The following KLHL1 variants were observed in gnomAD, a reference collection of about 807,000 sequenced individuals.
KLHL1 encodes kelch-like protein 1.
KLHL1 carries 47 observed loss-of-function variants against 77.7 expected under a neutral mutation model. The observed-to-expected ratio is 0.60, with a 90% confidence interval of 0.48 to 0.77. The LOEUF is 0.77. Among genes scored for constraint, KLHL1 ranks in the 30% least tolerant of loss-of-function variants. The pLI, the probability that KLHL1 is intolerant of heterozygous loss-of-function variation, is 0.00. For synonymous variants in KLHL1, 360 were observed against 325.2 expected, an observed-to-expected ratio of 1.11 and a Z score of -1.15; for missense variants, 925 against 910.8, an observed-to-expected ratio of 1.02 and a Z score of -0.20.
chr13:69,725,815 T>C (rs751809714), intron 8 of KLHL1, among the ~76,000 whole-genome samples: 1 of 152,156 alleles, frequency 6.6e-6, no homozygotes, highest in African/African-American at 2.4e-5. Flanking sequence ...ATAAGAGTAA[T>C]CTGACAGCAG....
intron 6 of KLHL1, among the ~76,000 whole-genome samples, chr13:69,828,598 G>A (rs187628216): frequency 6.7e-6 from 1 of 150,114 alleles, no homozygotes; most frequent in African/African-American, 2.5e-5. Flanking sequence ...TAAAGCAAGT[G>A]GGGAGGGGTG....
rs570685497 is a variant in KLHL1, at chr13:69,765,290, A to G, written c.1640-24734T>C. On this transcript the variant is annotated intron_variant, in intron 7 of 10. Transcript: ENST00000377844. ...TTTATAGTGATGGTAATCTTAGTTC[A>G]TTAATACATTTATATACTTTATGAA... Among the ~76,000 whole-genome samples the G allele has an allele frequency of 5.3e-5, 8 of 152,088 alleles. No homozygotes were observed. In the South Asian group the frequency reaches 1.7e-3, roughly 32 times the overall value.
chr13:69,782,162 G>A (rs1441821075), intron 7 of KLHL1, among the ~76,000 whole-genome samples: 3 of 152,180 alleles, frequency 2.0e-5, no homozygotes, highest in Non-Finnish European at 2.9e-5. Context: ...TGGTTTTAAA[G>A]AAAATATAGT....
intron 7 of KLHL1, among the ~76,000 whole-genome samples, chr13:69,769,023 T>C (rs559094214): frequency 5.3e-5 from 8 of 152,344 alleles, no homozygotes; most frequent in African/African-American, 1.7e-4. Flanking sequence ...CTAAGTCTCA[T>C]TCTAGAAGCT....
chr13:70,013,955 A>C (rs548104296), intron 1 of KLHL1, among the ~76,000 whole-genome samples: 1 of 152,276 alleles, frequency 6.6e-6, no homozygotes, highest in Non-Finnish European at 1.5e-5. Context: ...ATATACAAAC[A>C]ATTCTCTGTA....
intron 1 of KLHL1, among the ~76,000 whole-genome samples, chr13:70,043,313 T>C (rs1886422365): frequency 6.6e-6 from 1 of 152,194 alleles, no homozygotes; most frequent in South Asian, 2.1e-4. Flanking sequence ...CTGAACAATG[T>C]GTATTTTAAG....
rs369748220 is a variant in KLHL1, at chr13:69,780,757, T to TAC, written c.1639+15979_1639+15980dup. ...ACATATATATATACATATATATATA[T>TAC]ACACACACATTTATATATAACATAT... is the stretch of plus-strand genomic sequence containing the variant. On this transcript the variant is annotated intron_variant, in intron 7 of 10. Transcript: ENST00000377844. Among the ~76,000 whole-genome samples, 72 of 128,096 alleles carry TAC rather than the reference T, an allele frequency of 5.6e-4. No individual in the cohort carries two copies. In the East Asian group the frequency reaches 9.8e-3, roughly 17 times the overall value. 84.0% of individuals were successfully genotyped at this position (128,096 alleles called of 152,430 possible). A position where few individuals can be genotyped will look rare whatever the true frequency, so the allele number is the denominator to read the frequency against.
chr13:69,818,687 A>T (rs1272386737), intron 6 of KLHL1, among the ~76,000 whole-genome samples: 1 of 152,130 alleles, frequency 6.6e-6, no homozygotes, highest in Non-Finnish European at 1.5e-5. Context: ...AATGGAACTG[A>T]GCTTTGGCTG....
intron 1 of KLHL1, among the ~76,000 whole-genome samples, chr13:70,029,993 G>A (rs566783636): frequency 1.3e-5 from 2 of 151,402 alleles, no homozygotes; most frequent in South Asian, 4.1e-4. Context: ...AAGATCAAAA[G>A]AGAAGTCCAT....
chr13:69,777,760 C>G (rs1021577189), intron 7 of KLHL1, among the ~76,000 whole-genome samples: 1 of 152,006 alleles, frequency 6.6e-6, no homozygotes, highest in Non-Finnish European at 1.5e-5. Context: ...ATCAGAGCAC[C>G]CTTACTCATT....
intron 1 of KLHL1, among the ~76,000 whole-genome samples, chr13:70,024,635 TC>T (rs1885892877): frequency 2.3e-5 from 2 of 85,396 alleles, no homozygotes; most frequent in Non-Finnish European, 4.8e-5. Flanking sequence ...TCTCTCTCTC[TC>T]TCTCTCTCTC....
intron 7 of KLHL1, among the ~76,000 whole-genome samples, chr13:69,745,814 T>C (rs373009459): frequency 1.1e-4 from 17 of 151,990 alleles, no homozygotes; most frequent in East Asian, 9.7e-4. Flanking sequence ...CCTTTTGGTA[T>C]TTCATATGAA....
chr13:69,986,314 C>T (rs1884868779), intron 1 of KLHL1, among the ~76,000 whole-genome samples: 1 of 151,856 alleles, frequency 6.6e-6, no homozygotes, highest in African/African-American at 2.4e-5. Flanking sequence ...TTCGAAATAG[C>T]AAGAAGAGAG....
At chr13:69,880,230 T>TA (rs1365663198) in intron 5 of KLHL1, among the ~76,000 whole-genome samples, 1 of 152,208 alleles carries the variant, frequency 6.6e-6, no homozygotes, top group African/African-American at 2.4e-5. Flanking sequence ...ATCTTTACTT[T>TA]GCATCTGTTT....
At chr13:69,790,922 C>G (rs887127954) in intron 7 of KLHL1, among the ~76,000 whole-genome samples, 2 of 151,886 alleles carry the variant, frequency 1.3e-5, no homozygotes, top group Non-Finnish European at 2.9e-5. Context: ...ATTCATTGAA[C>G]TAGGAATATA....
At chr13:69,846,445 A>T (rs1380207253) in intron 5 of KLHL1, among the ~76,000 whole-genome samples, 1 of 151,510 alleles carries the variant, frequency 6.6e-6, no homozygotes, top group Admixed American at 6.6e-5. Context: ...TTATAGCTAG[A>T]ACTTTTGACA....
intron 4 of KLHL1, among the ~76,000 whole-genome samples, chr13:69,934,101 C>T (rs1009572316): frequency 3.3e-5 from 5 of 152,060 alleles, no homozygotes; most frequent in African/African-American, 1.2e-4. Context: ...GGATATAACA[C>T]TTGCCTTGCA....
intron 8 of KLHL1, among the ~76,000 whole-genome samples, chr13:69,729,678 C>A (rs1268479974): frequency 6.6e-6 from 1 of 151,980 alleles, no homozygotes; most frequent in South Asian, 2.1e-4. Flanking sequence ...AATAGCCAGT[C>A]ATCAAACCAC....
chr13:69,797,737 G>A (rs182731530), intron 6 of KLHL1, among the ~76,000 whole-genome samples: 137 of 151,746 alleles, frequency 9.0e-4, no homozygotes, highest in East Asian at 2.9e-3. Flanking sequence ...GCTGAGGCAG[G>A]AGAATGGCAT....
Sources: allele counts gnomAD v4.1 joint callset (sites outside exome capture counted in the v4.1 genomes callset), GRCh38; gene constraint gnomAD v4.1.1; transcripts MANE v1.5; gene names NCBI Gene and HGNC (gene_info 2026-07-23, HGNC 2026-07-21).